GALNTL6: variants seen among roughly 807,000 people sequenced by gnomAD.
GALNTL6 encodes the protein polypeptide N-acetylgalactosaminyltransferase like 6, also known as polypeptide N-acetylgalactosaminyltransferase-like 6.
Under a neutral mutation model 73.7 loss-of-function variants are expected in GALNTL6, and 46 were observed. The ratio of observed to expected loss-of-function variants is 0.62; its 90% CI spans 0.49 to 0.80. The LOEUF is 0.80. GALNTL6 is among the 30% of genes least tolerant of loss of function. GALNTL6 has a pLI of 0.00. For missense variants in GALNTL6, 604 were observed against 755.0 expected, an observed-to-expected ratio of 0.80 and a Z score of 2.34; for synonymous variants, 259 against 263.7, an observed-to-expected ratio of 0.98 and a Z score of 0.17.
intron 5 of GALNTL6, among the ~76,000 whole-genome samples, chr4:172,716,112 T>A (rs980824703): frequency 1.1e-3 from 1 of 938 alleles, no homozygotes; most frequent in African/African-American, 1.1e-3. Flanking sequence ...ACTCTAGAGA[T>A]TTTTTTTTTA....
At chr4:171,992,099 T>C (rs901326801) in intron 2 of GALNTL6, among the ~76,000 whole-genome samples, 1 of 152,014 alleles carries the variant, frequency 6.6e-6, no homozygotes, top group Admixed American at 6.6e-5. Context: ...TTAATTTTCA[T>C]CGCAATTCAT....
At chr4:172,792,466 TG>T (rs1740049296) in intron 5 of GALNTL6, among the ~76,000 whole-genome samples, 1 of 152,082 alleles carries the variant, frequency 6.6e-6, no homozygotes, top group Non-Finnish European at 1.5e-5. Context: ...AATGAAGTCC[TG>T]GAAGTATGGG....
chr4:171,954,475 C>A (rs1305556903), intron 2 of GALNTL6, among the ~76,000 whole-genome samples: 4 of 152,062 alleles, frequency 2.6e-5, no homozygotes, highest in African/African-American at 9.7e-5. Context: ...ACAAATACTG[C>A]AAATTACGTA....
At chr4:172,216,565 A>G (rs1317319800) in intron 2 of GALNTL6, among the ~76,000 whole-genome samples, 1 of 151,994 alleles carries the variant, frequency 6.6e-6, no homozygotes, top group African/African-American at 2.4e-5. Context: ...TCTGATTGGT[A>G]TTCTCTGTTT....
At chr4:172,473,481 T>TA (rs752049431) in intron 5 of GALNTL6, among the ~76,000 whole-genome samples, 1 of 152,276 alleles carries the variant, frequency 6.6e-6, no homozygotes, top group Non-Finnish European at 1.5e-5. Context: ...GAAACTTCCC[T>TA]AGGGAGGACA....
At position 172,952,293 on chromosome 4, in the gene GALNTL6, A is replaced by G. The variant is rs767893645; in HGVS notation, c.1371+35A>G. 4.6e-6 allele frequency: 7 copies of G among 1,513,616 alleles called. No homozygotes were observed. The highest frequency in any genetic ancestry group is 5.5e-6 in the Non-Finnish European group (6 of 1,092,436). 93.8% of individuals were successfully genotyped at this position (1,513,616 alleles called of 1,614,324 possible). ...GGTTGCCTGAAACCTGCGCCTACCT[A>G]TGAGACTGTGTGCCTCCCCCATAGC... On this transcript the variant is annotated intron_variant, in intron 10 of 12. Coordinates refer to ENST00000506823, the MANE Select transcript of GALNTL6 (RefSeq NM_001034845.3).
At chr4:172,964,065 T>C (rs779410213) in intron 10 of GALNTL6, among the ~76,000 whole-genome samples, 4 of 152,170 alleles carry the variant, frequency 2.6e-5, no homozygotes, top group Non-Finnish European at 5.9e-5. Context: ...TGGAATAAAT[T>C]GAACAGCCCT....
chr4:171,841,244 G>A, intron 2 of GALNTL6, among the ~76,000 whole-genome samples: 1 of 152,114 alleles, frequency 6.6e-6, no homozygotes, highest in South Asian at 2.1e-4. Context: ...ATGAAGAATT[G>A]AAAGGAGATA....
intron 5 of GALNTL6, among the ~76,000 whole-genome samples, chr4:172,576,106 C>T (rs542689106): frequency 3.9e-5 from 6 of 152,200 alleles, no homozygotes; most frequent in African/African-American, 1.4e-4. Context: ...AAAGCTGCCT[C>T]TAATTATTTC....
intron 2 of GALNTL6, among the ~76,000 whole-genome samples, chr4:171,819,853 C>T (rs533071762): frequency 5.3e-5 from 8 of 152,272 alleles, no homozygotes; most frequent in Admixed American, 3.9e-4. Flanking sequence ...AACATCAGAT[C>T]TTTAAAACCA....
chr4:172,614,268 T>C (rs1471092263), intron 5 of GALNTL6, among the ~76,000 whole-genome samples: 2 of 152,092 alleles, frequency 1.3e-5, no homozygotes, highest in African/African-American at 4.8e-5. Flanking sequence ...TAGAAAAAAA[T>C]TGTCTCTCTA....
intron 5 of GALNTL6, chr4:172,545,642 TGTTTA>T (rs932396186): frequency 4.6e-5 from 7 of 152,266 alleles, no homozygotes; most frequent in African/African-American, 1.7e-4. Flanking sequence ...TTATTTCCCC[TGTTTA>T]GTTTAAACAC....
intron 8 of GALNTL6, among the ~76,000 whole-genome samples, chr4:172,910,547 A>G (rs999712521): frequency 6.6e-6 from 1 of 152,360 alleles, no homozygotes; most frequent in East Asian, 1.9e-4. Flanking sequence ...GATCCTCTTA[A>G]TGGAAGGAAT....
intron 2 of GALNTL6, among the ~76,000 whole-genome samples, chr4:171,909,855 A>G (rs942107322): frequency 1.7e-4 from 26 of 152,198 alleles, no homozygotes; most frequent in Admixed American, 1.5e-3. Flanking sequence ...GTATTTAGGC[A>G]GACTGCAGTT....
At chr4:172,600,625 C>T (rs1579229610) in intron 5 of GALNTL6, among the ~76,000 whole-genome samples, 1 of 152,106 alleles carries the variant, frequency 6.6e-6, no homozygotes, top group African/African-American at 2.4e-5. Flanking sequence ...AGAGATACTA[C>T]TGGAGGATAG....
intron 9 of GALNTL6, among the ~76,000 whole-genome samples, chr4:172,945,520 TTTTG>T (rs768226878): frequency 2.6e-5 from 4 of 152,266 alleles, no homozygotes; most frequent in South Asian, 2.1e-4. Context: ...CATTTGGGGT[TTTTG>T]TTTGTTTGTT....
intron 5 of GALNTL6, among the ~76,000 whole-genome samples, chr4:172,677,060 G>C (rs1732342803): frequency 1.3e-5 from 2 of 152,144 alleles, no homozygotes; most frequent in Non-Finnish European, 2.9e-5. Context: ...CTGTCCTTGT[G>C]TTAAACACCC....
At chr4:172,043,558 A>C (rs1742144522) in intron 2 of GALNTL6, among the ~76,000 whole-genome samples, 1 of 152,072 alleles carries the variant, frequency 6.6e-6, no homozygotes, top group Non-Finnish European at 1.5e-5. Flanking sequence ...CCACAGCTAT[A>C]CTTTTTCATC....
intron 5 of GALNTL6, among the ~76,000 whole-genome samples, chr4:172,503,826 C>G (rs1197646255): frequency 2.6e-5 from 4 of 151,806 alleles, no homozygotes; most frequent in Admixed American, 2.6e-4. Flanking sequence ...GCAAGTAATG[C>G]CCAAGGAAAA....
Sources: allele counts gnomAD v4.1 joint callset (sites outside exome capture counted in the v4.1 genomes callset), GRCh38; gene constraint gnomAD v4.1.1; transcripts MANE v1.5; gene names NCBI Gene and HGNC (gene_info 2026-07-23, HGNC 2026-07-21).